Variants in CCDC30 observed in about 807,000 individuals in gnomAD.
The protein encoded by CCDC30 is coiled-coil domain-containing protein 30.
CCDC30 carries 70 observed loss-of-function variants against 100.2 expected under a neutral mutation model. The ratio of observed to expected loss-of-function variants is 0.70; its 90% CI spans 0.58 to 0.85. CCDC30 has a LOEUF of 0.85. CCDC30 is among the 40% of genes least tolerant of loss of function. The probability of loss-of-function intolerance (pLI) is 0.00; values close to 1 mark genes in which losing one functional copy is unlikely to be tolerated. For synonymous variants in CCDC30, 233 were observed against 269.5 expected, an observed-to-expected ratio of 0.86 and a Z score of 1.33; for missense variants, 652 against 771.2, an observed-to-expected ratio of 0.85 and a Z score of 1.83.
intron 6 of CCDC30, among the ~76,000 whole-genome samples, chr1:42,499,742 G>A (rs1644279934): frequency 6.6e-6 from 1 of 151,796 alleles, no homozygotes; most frequent in Admixed American, 6.6e-5. Flanking sequence ...CCAAAGTGCT[G>A]GGATTACAGG....
intron 6 of CCDC30, among the ~76,000 whole-genome samples, chr1:42,554,557 G>T (rs1021700783): frequency 2.6e-5 from 3 of 113,764 alleles, no homozygotes; most frequent in Non-Finnish European, 6.2e-5. Flanking sequence ...GATTACAGAC[G>T]TGAGCCACCA....
At chr1:42,610,635 G>C (rs981190102) in intron 10 of CCDC30, among the ~76,000 whole-genome samples, 2 of 152,044 alleles carry the variant, frequency 1.3e-5, no homozygotes, top group African/African-American at 2.4e-5. Flanking sequence ...ATATTGCCCA[G>C]CCTGGTCTCA....
At chr1:42,597,973 C>T (rs1050996118) in intron 10 of CCDC30, among the ~76,000 whole-genome samples, 2 of 151,094 alleles carry the variant, frequency 1.3e-5, no homozygotes, top group African/African-American at 4.9e-5. Context: ...GCCTGAGCAA[C>T]ATAGTGAGAC....
chr1:42,630,315 G>A (rs180685951), intron 11 of CCDC30, among the ~76,000 whole-genome samples: 361 of 151,606 alleles, frequency 2.4e-3, no homozygotes, highest in Non-Finnish European at 3.8e-3. Context: ...TCCTGTAGGT[G>A]TGCTTCATTC....
intron 6 of CCDC30, among the ~76,000 whole-genome samples, chr1:42,563,403 C>A (rs2148560870): frequency 6.6e-6 from 1 of 151,538 alleles, no homozygotes; most frequent in South Asian, 2.1e-4. Flanking sequence ...GGGAGTTGAA[C>A]ATTGAGAATA....
In CCDC30 at chr1:42,642,601, C is replaced by T. The variant is rs1306474163; in HGVS notation, c.1548C>T (p.Ile516=). 1.9e-6 allele frequency: 3 copies of T among 1,588,720 alleles called. No individual in the cohort carries two copies. In the East Asian group the frequency reaches 6.9e-5, roughly 37 times the overall value. Reference sequence around the variant, plus strand: ...GCAACAAATGGACGATATCTTCCATCCAGAGCAGGTAGGTGCCATCCTGCC... The same window carrying T: ...GCAACAAATGGACGATATCTTCCATTCAGAGCAGGTAGGTGCCATCCTGCC... The change falls in exon 13 of 17, where the codon ATC becomes ATT. Residue 516 remains isoleucine, a synonymous_variant. Coordinates refer to ENST00000668663, the Ensembl canonical transcript of CCDC30.
intron 10 of CCDC30, among the ~76,000 whole-genome samples, chr1:42,610,386 TTA>T (rs1279809141): frequency 6.6e-6 from 1 of 151,714 alleles, no homozygotes; most frequent in African/African-American, 2.4e-5. Context: ...AGCTTTCACT[TTA>T]TATACTTTAA....
intron 10 of CCDC30, among the ~76,000 whole-genome samples, chr1:42,603,098 A>G (rs1235625824): frequency 6.6e-6 from 1 of 152,222 alleles, no homozygotes; most frequent in Non-Finnish European, 1.5e-5. Flanking sequence ...TGGGTAATTT[A>G]TAAACAACAG....
At chr1:42,456,224 G>GAAACGACTCCCAAGGAGTCCA in the CCDC30 span, 1 of 602,276 alleles carries the variant, frequency 1.7e-6, no homozygotes, top group Non-Finnish European at 3.0e-6. Flanking sequence ...AAATGGCCGA[G>GAAACGACTCCCAAGGAGTCCA]AAACGACTCC....
intron 6 of CCDC30, among the ~76,000 whole-genome samples, chr1:42,511,508 T>A (rs1011522117): frequency 6.6e-6 from 1 of 152,106 alleles, no homozygotes; most frequent in Non-Finnish European, 1.5e-5. Context: ...ACTGTTCTAA[T>A]TGGAGGTAGA....
chr1:42,607,760 G>C (rs777764142), intron 10 of CCDC30, among the ~76,000 whole-genome samples: 8 of 152,144 alleles, frequency 5.3e-5, no homozygotes, highest in Non-Finnish European at 8.8e-5. Flanking sequence ...AAGCCTTGAA[G>C]GGAAAAGGTA....
chr1:42,543,069 C>T (rs1645048426), intron 6 of CCDC30, among the ~76,000 whole-genome samples: 1 of 151,774 alleles, frequency 6.6e-6, no homozygotes, highest in East Asian at 1.9e-4. Context: ...ATAATCTGAC[C>T]TCTCCCTTCA....
chr1:42,510,928 T>A (rs1644468578), intron 6 of CCDC30, among the ~76,000 whole-genome samples: 1 of 151,982 alleles, frequency 6.6e-6, no homozygotes, highest in African/African-American at 2.4e-5. Flanking sequence ...TGCTCTTGTG[T>A]AAAAGAAAAT....
chr1:42,642,042 G>A (rs145111332), intron 12 of CCDC30, among the ~76,000 whole-genome samples: 1,924 of 152,110 alleles, frequency 0.013, 41 homozygotes, highest in African/African-American at 0.039. Flanking sequence ...TGGCTAACAC[G>A]GTGAAACCCC....
At chr1:42,504,883 C>T (rs1644372420) in intron 6 of CCDC30, among the ~76,000 whole-genome samples, 1 of 152,130 alleles carries the variant, frequency 6.6e-6, no homozygotes, top group Admixed American at 6.6e-5. Flanking sequence ...AACTTCTTTG[C>T]ATAGCTAGGG....
intron 6 of CCDC30, among the ~76,000 whole-genome samples, chr1:42,541,367 G>C (rs1645008508): frequency 6.6e-6 from 1 of 152,158 alleles, no homozygotes; most frequent in Non-Finnish European, 1.5e-5. Context: ...CCCATTGAGG[G>C]TAAGGCTTTC....
At chr1:42,483,685 C>T (rs777928905) in intron 3 of CCDC30, among the ~76,000 whole-genome samples, 7 of 152,042 alleles carry the variant, frequency 4.6e-5, no homozygotes, top group Non-Finnish European at 8.8e-5. Flanking sequence ...AGTTCCTGCT[C>T]GAGTCTGTTG....
intron 3 of CCDC30, among the ~76,000 whole-genome samples, chr1:42,484,899 T>C (rs182657872): frequency 2.6e-5 from 4 of 152,240 alleles, no homozygotes; most frequent in Admixed American, 1.3e-4. Flanking sequence ...AAGATGAATT[T>C]TTAAAGATTT....
chr1:42,502,886 A>G (rs191069575), intron 6 of CCDC30, among the ~76,000 whole-genome samples: 17 of 151,382 alleles, frequency 1.1e-4, no homozygotes, highest in African/African-American at 3.7e-4. Flanking sequence ...TCTGTGGCTG[A>G]CTATTTTATT....
Sources: gnomAD v4.1 joint callset for allele counts (sites outside exome capture counted in the v4.1 genomes callset) on GRCh38, gnomAD v4.1.1 for gene constraint, MANE v1.5 for transcripts, NCBI Gene and HGNC (gene_info 2026-07-23, HGNC 2026-07-21) for gene names.